The following POGZ variants were observed in gnomAD, a reference collection of about 807,000 sequenced individuals.
The protein encoded by POGZ is pogo transposable element derived with ZNF domain, also known as pogo transposable element with ZNF domain.
In POGZ, 17 loss-of-function variants were observed where a neutral mutation model predicts 134.6. The observed-to-expected ratio is 0.13, with a 90% CI of 0.09 to 0.19. The LOEUF (loss-of-function observed/expected upper bound fraction) is 0.19, where lower values mean the gene tolerates loss of function less well. POGZ is among the 10% of genes least tolerant of loss of function. The pLI, the probability that POGZ is intolerant of heterozygous loss-of-function variation, is 1.00. For synonymous variants in POGZ, 693 were observed against 657.1 expected, an observed-to-expected ratio of 1.05 and a Z score of -0.84; for missense variants, 1,306 against 1,769.7, an observed-to-expected ratio of 0.74 and a Z score of 4.70.
chr1:151,440,522 G>A (rs1660361160), intron 3 of POGZ, among the ~76,000 whole-genome samples: 1 of 151,888 alleles, frequency 6.6e-6, no homozygotes. Flanking sequence ...CCATACTCAG[G>A]AACCAATAAA....
chr1:151,440,706 T>G, intron 3 of POGZ: 1 of 349,836 alleles, frequency 2.9e-6, no homozygotes, highest in Non-Finnish European at 5.1e-6. Flanking sequence ...AAGAATCTAC[T>G]GCTCTCTCAC....
Position 151,403,154 on chromosome 1 carries a change from T to G in POGZ, c.*1648A>C, listed in dbSNP as rs755328510. The G allele has an allele frequency of 2.6e-5, 24 of 924,474 alleles. No homozygotes were observed. The highest frequency in any genetic ancestry group is 3.0e-5 in the Non-Finnish European group (23 of 774,222). 57.3% of individuals were successfully genotyped at this position (924,474 alleles called of 1,614,324 possible). ...GGTTCACAAAGCTGGCCAAGCTGTT[T>G]CTGGAAGGGACTTTTCCAGTTCACT... On this transcript the variant is annotated 3_prime_UTR_variant, in exon 19 of 19. Transcript: ENST00000271715.
At chr1:151,407,501 A>T (rs896151523) in intron 15 of POGZ, among the ~76,000 whole-genome samples, 16 of 152,224 alleles carry the variant, frequency 1.1e-4, no homozygotes, top group Non-Finnish European at 2.1e-4. Context: ...CTGGTTCAGT[A>T]GGCCTAGGGC....
At chr1:151,433,846 G>C (rs1034353282) in intron 3 of POGZ, among the ~76,000 whole-genome samples, 1 of 152,040 alleles carries the variant, frequency 6.6e-6, no homozygotes, top group Non-Finnish European at 1.5e-5. Flanking sequence ...GGATGAAACA[G>C]GCAATCACAA....
At chr1:151,429,221 T>TA (rs1658295658) in intron 5 of POGZ, among the ~76,000 whole-genome samples, 2 of 151,988 alleles carry the variant, frequency 1.3e-5, no homozygotes, top group Non-Finnish European at 1.5e-5. Flanking sequence ...TGTTTATATC[T>TA]AAAATCTATG....
chr1:151,432,035 G>A (rs1249127533), intron 3 of POGZ, among the ~76,000 whole-genome samples: 2 of 152,130 alleles, frequency 1.3e-5, no homozygotes, highest in Admixed American at 6.5e-5. Context: ...CAGGCATGGT[G>A]GCGCATCCCT....
In POGZ at chr1:151,403,109, G is replaced by T; in HGVS notation, c.*1693C>A. On this transcript the variant is annotated 3_prime_UTR_variant, in exon 19 of 19. Transcript: ENST00000271715. ...GGAAGAGAAGCCCAGATGGATCCTTGGTTGTTTTCAGATGTCAAAGGTTCA... is the reference window on the plus strand; with the variant it reads ...GGAAGAGAAGCCCAGATGGATCCTTTGTTGTTTTCAGATGTCAAAGGTTCA... The T allele has an allele frequency of 1.9e-6, 1 of 529,192 alleles. No individual in the cohort carries two copies. Among genetic ancestry groups the T allele is most frequent in the African/African-American group, 2.1e-5 (1 of 48,332 alleles). The allele number at this position is 529,192 out of a possible 1,614,324, so 32.8% of individuals were successfully genotyped here.
At chr1:151,439,285 C>T (rs924397514) in intron 3 of POGZ, among the ~76,000 whole-genome samples, 3 of 152,074 alleles carry the variant, frequency 2.0e-5, no homozygotes, top group African/African-American at 4.8e-5. Flanking sequence ...ATAAATGGTT[C>T]CCCATCTTTA....
At chr1:151,446,398 C>G (rs2102393926) in intron 1 of POGZ, among the ~76,000 whole-genome samples, 1 of 151,816 alleles carries the variant, frequency 6.6e-6, no homozygotes, top group African/African-American at 2.4e-5. Context: ...TATTTCAAAA[C>G]TGCCAAACAG....
Position 151,404,730 on chromosome 1 carries a change from T to G in POGZ, c.*72A>C. The G allele has an allele frequency of 4.7e-6, 7 of 1,495,854 alleles. No individual in the cohort carries two copies. Among genetic ancestry groups the G allele is most frequent in the Non-Finnish European group, 5.3e-6 (6 of 1,124,260 alleles). The allele number at this position is 1,495,854 out of a possible 1,614,324, so 92.7% of individuals were successfully genotyped here. The stretch of plus-strand genomic sequence containing the variant: ...CAAATACCCCACCTGGTATGCCCCC[T>G]TTTCCCTAAGCCCCTTTACCCTCCC... On this transcript the variant is annotated 3_prime_UTR_variant, in exon 19 of 19. Coordinates refer to ENST00000271715, the MANE Select transcript of POGZ (RefSeq NM_015100.4).
chr1:151,427,594 A>G (rs1657985963), intron 7 of POGZ: 1 of 494,966 alleles, frequency 2.0e-6, no homozygotes, highest in Non-Finnish European at 3.7e-6. Flanking sequence ...TCTTTAATCA[A>G]TCAATTTCAC....
At chr1:151,426,312 G>A (rs1343790812) in intron 7 of POGZ, 3 of 151,626 alleles carry the variant, frequency 2.0e-5, no homozygotes, top group Non-Finnish European at 1.5e-5. Flanking sequence ...TCAGCCTCCC[G>A]AGCAGCTGGG....
At chr1:151,457,799 T>C (rs1662950100) in intron 1 of POGZ, among the ~76,000 whole-genome samples, 1 of 152,016 alleles carries the variant, frequency 6.6e-6, no homozygotes, top group Non-Finnish European at 1.5e-5. Flanking sequence ...TGGTAGCACA[T>C]GCCTGTAATC....
In POGZ at chr1:151,445,007, C is replaced by CA. The variant is rs531078542; in HGVS notation, c.-1-2803dup. Reference sequence around the variant, plus strand: ...TACAGTAACTGCAGTGGTGCCACTGCACTCCAGCCTGAGCTGGAGAGCTGG... The same window carrying CA: ...TACAGTAACTGCAGTGGTGCCACTGCAACTCCAGCCTGAGCTGGAGAGCTGG... On this transcript the variant is annotated intron_variant, in intron 1 of 18. Transcript: ENST00000271715. Among the ~76,000 whole-genome samples the CA allele has an allele frequency of 2.3e-4, 35 of 152,188 alleles. No homozygotes were observed. The South Asian group carries it at 5.4e-3, about 23-fold the overall frequency.
In POGZ at chr1:151,406,616, G is replaced by T. The variant is rs769632140; in HGVS notation, c.2561C>A (p.Ala854Asp). 4 of 1,610,844 alleles carry T rather than the reference G, an allele frequency of 2.5e-6. No homozygotes were observed. Among genetic ancestry groups the T allele is most frequent in the Non-Finnish European group, 3.4e-6 (4 of 1,179,174 alleles). ...SILPRGLTWI[A>D]HSRHGQTRDR... ...GGTGAGTTTTTGTTACCTTGAGTGA[G>T]CTATCCAAGTGAGTCCTATGGAAAA... The change falls in exon 18 of 19, where the codon GCT becomes GAT. Residue 854 changes from alanine (A) to aspartate (D), a missense_variant. Physicochemically the swap from Ala to Asp is moderately radical, Grantham distance 126. Transcript: ENST00000271715.
intron 1 of POGZ, among the ~76,000 whole-genome samples, chr1:151,445,522 C>CA (rs201269208): frequency 0.2 from 10,349 of 51,644 alleles, 1,233 homozygotes; most frequent in East Asian, 0.54. Context: ...GACTCTGTCT[C>CA]AAAAAAAAAA....
At chr1:151,421,841 C>T (rs1199196253) in intron 10 of POGZ, among the ~76,000 whole-genome samples, 2 of 152,194 alleles carry the variant, frequency 1.3e-5, no homozygotes, top group Non-Finnish European at 2.9e-5. Flanking sequence ...CAACCTCTAC[C>T]TCCTGGGATC....
intron 1 of POGZ, among the ~76,000 whole-genome samples, chr1:151,457,683 T>C (rs1662937385): frequency 1.3e-5 from 2 of 152,106 alleles, no homozygotes; most frequent in African/African-American, 4.8e-5. Flanking sequence ...TCCCAGCACT[T>C]TGGGAGGCCA....
intron 13 of POGZ, 44 bp downstream of exon 13, chr1:151,408,650 T>C: frequency 1.2e-6 from 2 of 1,605,530 alleles, no homozygotes; most frequent in Non-Finnish European, 1.7e-6. Flanking sequence ...AAATCTCTAT[T>C]CCTCCCTCCC....
Sources: gnomAD v4.1 joint callset for allele counts (sites outside exome capture counted in the v4.1 genomes callset) on GRCh38, gnomAD v4.1.1 for gene constraint, MANE v1.5 for transcripts, NCBI Gene and HGNC (gene_info 2026-07-23, HGNC 2026-07-21) for gene names.